The following DLG2 variants were observed in gnomAD, a reference collection of about 807,000 sequenced individuals.
DLG2 encodes discs large MAGUK scaffold protein 2.
In DLG2, 45 loss-of-function variants were observed where a neutral mutation model predicts 132.5. That is an observed-to-expected ratio of 0.34 (90% CI 0.27 to 0.44). DLG2 has a LOEUF of 0.44. DLG2 is among the 20% of genes least tolerant of loss of function. The pLI is 1.00. For synonymous variants in DLG2, 424 were observed against 419.6 expected (o/e 1.01, Z -0.13); for missense variants, 1,045 against 1,196.9 (o/e 0.87, Z 1.87).
At chr11:84,290,661 A>G (rs962276293) in intron 7 of DLG2, among the ~76,000 whole-genome samples, 2 of 152,084 alleles carry the variant, frequency 1.3e-5, no homozygotes, top group African/African-American at 2.4e-5. Flanking sequence ...CCCATCTAAG[A>G]GGTGAGAAAA....
intron 19 of DLG2, among the ~76,000 whole-genome samples, chr11:83,628,055 G>A (rs56965395): frequency 0.32 from 47,895 of 151,498 alleles, 9,683 homozygotes; most frequent in African/African-American, 0.59. Context: ...ACTTTTTGAT[G>A]GGGTTGTTTG....
rs572568708 is a variant in DLG2, at chr11:85,404,325, C to T, written c.41-118960G>A. On this transcript the variant is annotated intron_variant, in intron 3 of 27. Coordinates refer to ENST00000376104, the MANE Select transcript of DLG2 (RefSeq NM_001142699.3). ...ACCAAAGATGTAGGCCCTAGAAACA[C>T]TACTACTGAATGGATTAAAAGAAGA... Among the ~76,000 whole-genome samples, 96 of 152,034 alleles carry T rather than the reference C, an allele frequency of 6.3e-4. 1 individual carries two copies. In the South Asian group the frequency reaches 0.019, roughly 31 times the overall value.
chr11:84,362,533 A>G (rs1318828919), intron 7 of DLG2, among the ~76,000 whole-genome samples: 1 of 151,608 alleles, frequency 6.6e-6, no homozygotes, highest in Non-Finnish European at 1.5e-5. Context: ...TTATACTTCA[A>G]GTTTTAGGGT....
rs528338640 is a variant in DLG2, at chr11:85,332,498, G to C, written c.41-47133C>G. ...TCTTGTCTATTTTTTCTTTTTGTTG[G>C]AATTGTTTTTGGAGACTTCATCATG... On this transcript the variant is annotated intron_variant, in intron 3 of 27. Transcript: ENST00000376104. 2.6e-5 allele frequency among the ~76,000 whole-genome samples: 4 copies of C among 152,074 alleles called. 1 individual carries two copies. In the South Asian group the frequency reaches 8.3e-4, roughly 31 times the overall value.
At position 85,536,770 on chromosome 11, in the gene DLG2, G is replaced by A. The variant is rs148342929; in HGVS notation, c.40+61887C>T. Reference sequence around the variant, plus strand: ...AGAGGCTGAATCCCATGCATGGACCGCCATTCCCTTTTCACGGGATGATTG... The same window carrying A: ...AGAGGCTGAATCCCATGCATGGACCACCATTCCCTTTTCACGGGATGATTG... On this transcript the variant is annotated intron_variant, in intron 3 of 27. Coordinates refer to ENST00000376104, the MANE Select transcript of DLG2 (RefSeq NM_001142699.3). 9.2e-3 allele frequency among the ~76,000 whole-genome samples: 1,400 copies of A among 152,328 alleles called. 50 individuals are homozygous for A. Among genetic ancestry groups the A allele is most frequent in the Admixed American group, 0.066 (1,006 of 15,304 alleles).
intron 15 of DLG2, among the ~76,000 whole-genome samples, chr11:83,895,305 A>T (rs1253142245): frequency 7.9e-5 from 12 of 152,000 alleles, no homozygotes; most frequent in Admixed American, 7.9e-4. Flanking sequence ...GATTACAGGC[A>T]TGTCCCACCA....
At chr11:83,736,916 G>A (rs976676321) in intron 18 of DLG2, among the ~76,000 whole-genome samples, 1 of 152,154 alleles carries the variant, frequency 6.6e-6, no homozygotes, top group Non-Finnish European at 1.5e-5. Context: ...ATCTGTGCAT[G>A]ACAGAATTTG....
chr11:84,049,442 G>A (rs778458922), intron 11 of DLG2, among the ~76,000 whole-genome samples: 9 of 151,768 alleles, frequency 5.9e-5, no homozygotes, highest in East Asian at 1.9e-4. Flanking sequence ...TCACTCATAC[G>A]GACTCTTCGC....
intron 19 of DLG2, among the ~76,000 whole-genome samples, chr11:83,608,057 A>C (rs1405086158): frequency 6.6e-6 from 1 of 152,226 alleles, no homozygotes; most frequent in Non-Finnish European, 1.5e-5. Flanking sequence ...TGGTGACTAC[A>C]TATACATGCT....
intron 7 of DLG2, among the ~76,000 whole-genome samples, chr11:84,306,350 T>C (rs1244206518): frequency 6.6e-6 from 1 of 152,148 alleles, no homozygotes; most frequent in Non-Finnish European, 1.5e-5. Flanking sequence ...GAGTCTCAAA[T>C]CTCTTTACTT....
chr11:83,964,565 G>A (rs1325306151), intron 13 of DLG2, among the ~76,000 whole-genome samples: 1 of 151,984 alleles, frequency 6.6e-6, no homozygotes, highest in East Asian at 1.9e-4. Flanking sequence ...GAATGAGCAA[G>A]CTTACTACTG....
At chr11:85,050,020 T>C (rs1271482418) in intron 6 of DLG2, among the ~76,000 whole-genome samples, 2 of 151,868 alleles carry the variant, frequency 1.3e-5, no homozygotes, top group Non-Finnish European at 2.9e-5. Flanking sequence ...CTCTTCACCT[T>C]GGCTAGATGT....
chr11:84,254,200 A>T (rs1458352714), intron 7 of DLG2, among the ~76,000 whole-genome samples: 1 of 152,082 alleles, frequency 6.6e-6, no homozygotes, highest in Non-Finnish European at 1.5e-5. Context: ...ATAAATAGGT[A>T]TTAATTTTAT....
At chr11:84,712,741 C>T (rs552662910) in intron 6 of DLG2, among the ~76,000 whole-genome samples, 1 of 152,234 alleles carries the variant, frequency 6.6e-6, no homozygotes, top group East Asian at 1.9e-4. Context: ...TGATCTATCA[C>T]TTAATTTTTA....
intron 6 of DLG2, among the ~76,000 whole-genome samples, chr11:84,990,053 C>T (rs562668812): frequency 2.0e-5 from 3 of 152,100 alleles, no homozygotes; most frequent in East Asian, 1.9e-4. Context: ...TTGAAAGACC[C>T]GATTAAGAAG....
intron 6 of DLG2, among the ~76,000 whole-genome samples, chr11:84,827,361 T>G (rs1362296300): frequency 6.9e-6 from 1 of 145,374 alleles, no homozygotes; most frequent in Admixed American, 6.9e-5. Context: ...CTAGAAAAAC[T>G]AAAAAAAAAA....
chr11:84,503,085 T>C (rs1336233400), intron 7 of DLG2, among the ~76,000 whole-genome samples: 2 of 152,170 alleles, frequency 1.3e-5, no homozygotes, highest in Non-Finnish European at 2.9e-5. Flanking sequence ...AATAATGATT[T>C]GAAGGATAGC....
At position 84,452,765 on chromosome 11, in the gene DLG2, A is replaced by C. The variant is rs2099055140; in HGVS notation, c.519+81805T>G. Among the ~76,000 whole-genome samples the C allele has an allele frequency of 2.6e-5, 4 of 151,596 alleles. No homozygotes were observed. The South Asian group carries it at 8.3e-4, about 31-fold the overall frequency. On this transcript the variant is annotated intron_variant, in intron 7 of 27. Transcript: ENST00000376104. ...AGCAGGTTTTGTAAGAAACATAAGA[A>C]GTTAGGTTCTGACAACCTGGTATGG...
At chr11:83,796,657 T>C (rs1327058555) in intron 17 of DLG2, among the ~76,000 whole-genome samples, 1 of 152,232 alleles carries the variant, frequency 6.6e-6, no homozygotes, top group Non-Finnish European at 1.5e-5. Flanking sequence ...TGAGATCAAA[T>C]ATGGCAATAT....
Sources: allele counts gnomAD v4.1 joint callset (sites outside exome capture counted in the v4.1 genomes callset), GRCh38; gene constraint gnomAD v4.1.1; transcripts MANE v1.5; gene names NCBI Gene and HGNC (gene_info 2026-07-23, HGNC 2026-07-21).